Variants in ITGAV observed in about 807,000 individuals in gnomAD.
ITGAV encodes the protein integrin alpha-V.
In ITGAV, 76 loss-of-function variants were observed where a neutral mutation model predicts 143.8. That is an observed-to-expected ratio of 0.53 (90% confidence interval 0.44 to 0.64). ITGAV has a LOEUF of 0.64. Among genes scored for constraint, ITGAV ranks in the 30% least tolerant of loss-of-function variants. The pLI, the probability that ITGAV is intolerant of heterozygous loss-of-function variation, is 0.00. For synonymous variants in ITGAV, 453 were observed against 446.7 expected (o/e 1.01, Z -0.18); for missense variants, 1,193 against 1,274.7 (o/e 0.94, Z 0.98).
chr2:186,602,869 T>G (rs1283938134), intron 2 of ITGAV, among the ~76,000 whole-genome samples: 2 of 90,612 alleles, frequency 2.2e-5, no homozygotes, highest in Non-Finnish European at 4.4e-5. Context: ...AGAGGGAGAC[T>G]CCATCTTAAA....
At chr2:186,639,013 A>T (rs1424369568) in intron 10 of ITGAV, among the ~76,000 whole-genome samples, 1 of 151,520 alleles carries the variant, frequency 6.6e-6, no homozygotes, top group African/African-American at 2.4e-5. Flanking sequence ...TTTTTTAAGG[A>T]TGATCAATGC....
At chr2:186,659,315 T>A (rs564842613) in intron 18 of ITGAV, 140 bp downstream of exon 18, 2 of 629,252 alleles carry the variant, frequency 3.2e-6, no homozygotes, top group South Asian at 1.4e-4. Flanking sequence ...CTGAATTTTC[T>A]ATTTTTTTTT....
intron 13 of ITGAV, among the ~76,000 whole-genome samples, chr2:186,648,962 A>T (rs1437393451): frequency 6.8e-6 from 1 of 147,214 alleles, no homozygotes; most frequent in African/African-American, 2.5e-5. Context: ...GTGTATATAT[A>T]TATACATTTG....
chr2:186,638,615 T>C (rs2105707483), intron 10 of ITGAV, 150 bp downstream of exon 10: 1 of 640,362 alleles, frequency 1.6e-6, no homozygotes, highest in East Asian at 2.7e-5. Flanking sequence ...CAAACTATTA[T>C]CATTTCTCTT....
At chr2:186,673,120 T>C (rs12151442) in intron 26 of ITGAV, among the ~76,000 whole-genome samples, 38,377 of 152,142 alleles carry the variant, frequency 0.25, 5,191 homozygotes, top group South Asian at 0.38. Flanking sequence ...GGGGTCCAGA[T>C]TGATTCTTTT....
intron 1 of ITGAV, among the ~76,000 whole-genome samples, chr2:186,591,000 C>G (rs1037046998): frequency 7.2e-5 from 11 of 152,344 alleles, no homozygotes; most frequent in South Asian, 2.1e-4. Flanking sequence ...CTTTCCGCCT[C>G]TGTCTGATTC....
chr2:186,659,727 T>C (rs936794875), intron 18 of ITGAV, among the ~76,000 whole-genome samples: 15 of 151,478 alleles, frequency 9.9e-5, no homozygotes, highest in African/African-American at 3.4e-4. Context: ...TCATAACTCT[T>C]TGCCCTAAAT....
chr2:186,600,698 C>A (rs1686877399), intron 1 of ITGAV, among the ~76,000 whole-genome samples: 1 of 152,216 alleles, frequency 6.6e-6, no homozygotes, highest in Admixed American at 6.5e-5. Flanking sequence ...GTGGCTCACG[C>A]CTGTAATCCC....
At chr2:186,600,505 T>A in intron 1 of ITGAV, 2 of 1,288,808 alleles carry the variant, frequency 1.6e-6, no homozygotes, top group Non-Finnish European at 2.1e-6. Context: ...TCCCCTCTCA[T>A]CCTTAGAGAT....
In ITGAV at chr2:186,678,536, T is replaced by C; in HGVS notation, c.*1244T>C. 3.5e-6 allele frequency: 1 copy of C among 286,052 alleles called. No homozygotes were observed. The highest frequency in any genetic ancestry group is 4.8e-5 in the Admixed American group (1 of 21,044). 17.7% of individuals were successfully genotyped at this position (286,052 alleles called of 1,614,324 possible). A position where few individuals can be genotyped will look rare whatever the true frequency, so the allele number is the denominator to read the frequency against. ...TTCTAAAAGGTATTTTTATAAGCAG[T>C]TCAAGTTACTGAAAACCTTTTAAAC... On this transcript the variant is annotated 3_prime_UTR_variant, in exon 30 of 30. Coordinates refer to ENST00000261023, the MANE Select transcript of ITGAV (RefSeq NM_002210.5).
At chr2:186,602,714 T>C (rs1405030118) in intron 2 of ITGAV, among the ~76,000 whole-genome samples, 1 of 151,962 alleles carries the variant, frequency 6.6e-6, no homozygotes, top group African/African-American at 2.4e-5. Flanking sequence ...CCATCTCTAC[T>C]AAAAATACAA....
chr2:186,639,834 T>G (rs1688052986), intron 10 of ITGAV, among the ~76,000 whole-genome samples: 1 of 152,204 alleles, frequency 6.6e-6, no homozygotes, highest in South Asian at 2.1e-4. Flanking sequence ...ATCCTTTCTT[T>G]ACACTTCCAA....
Position 186,646,883 on chromosome 2 carries a change from T to C in ITGAV, c.1351+6T>C. On this transcript the variant is annotated splice_donor_region_variant and intron_variant, in intron 13 of 29. Transcript: ENST00000261023. ...AGACAAAAATGGATATCCAGGTGCT[T>C]TCTTATCAACACATAGAGCCCTTAG... 4.5e-6 allele frequency: 7 copies of C among 1,568,544 alleles called. No individual in the cohort carries two copies. The highest frequency in any genetic ancestry group is 6.1e-6 in the Non-Finnish European group (7 of 1,150,528).
At position 186,636,204 on chromosome 2, in the gene ITGAV, T is replaced by C. The variant is rs1687943155; in HGVS notation, c.754T>C (p.Leu252=). The change falls in exon 7 of 30, where the codon TTG becomes CTG. Residue 252 remains leucine, a synonymous_variant. Transcript: ENST00000261023. ...ACAAGCTATTTTTGATGACAGCTAT[T>C]TGGGTAGGTAAAACCAAAATTTACT... The part of the protein sequence containing the change: ...TAQAIFDDSY[L]GYSVAVGDFN... 2 of 1,610,106 alleles carry C rather than the reference T, an allele frequency of 1.2e-6. No homozygotes were observed. Among genetic ancestry groups the C allele is most frequent in the Non-Finnish European group, 1.7e-6 (2 of 1,178,706 alleles).
In ITGAV at chr2:186,680,115, G is replaced by A. The variant is rs1002640462; in HGVS notation, c.*2823G>A. The stretch of plus-strand genomic sequence containing the variant: ...TTCCTAAGTTGCAAAATGTAATGAT[G>A]AGCTTGGTGGAGAAGAATGAGTCGT... On this transcript the variant is annotated 3_prime_UTR_variant, in exon 30 of 30. Coordinates refer to ENST00000261023, the MANE Select transcript of ITGAV (RefSeq NM_002210.5). 1.3e-5 allele frequency: 2 copies of A among 152,190 alleles called. No individual in the cohort carries two copies. Among genetic ancestry groups the A allele is most frequent in the African/African-American group, 2.4e-5 (1 of 41,568 alleles). 9.4% of individuals were successfully genotyped at this position (152,190 alleles called of 1,614,324 possible).
In ITGAV at chr2:186,656,357, A is replaced by G; in HGVS notation, c.1675A>G (p.Arg559Gly). Residue 559 changes from arginine (R) to glycine (G), a missense_variant, in exon 17 of 30, where the codon AGG becomes GGG. Coordinates refer to ENST00000261023, the MANE Select transcript of ITGAV (RefSeq NM_002210.5). Reference sequence around the variant, plus strand: ...TCACTCCAAGAACATGACTATTTCAAGGGGGGGACTGATGCAGTGTGAGGA... The same window carrying G: ...TCACTCCAAGAACATGACTATTTCAGGGGGGGGACTGATGCAGTGTGAGGA... ...PSHSKNMTIS[R>G]GGLMQCEELI... 6.4e-7 allele frequency: 1 copy of G among 1,555,264 alleles called. No homozygotes were observed. The highest frequency in any genetic ancestry group is 8.6e-7 in the Non-Finnish European group (1 of 1,157,484).
intron 24 of ITGAV, 181 bp from the exon 25 acceptor site, chr2:186,668,581 G>T: frequency 1.7e-6 from 1 of 572,090 alleles, no homozygotes. Context: ...CTGTGTTAGA[G>T]ACAAATGTTG....
chr2:186,676,315 T>A (rs1239896948), intron 28 of ITGAV: 3 of 167,682 alleles, frequency 1.8e-5, no homozygotes, highest in African/African-American at 4.8e-5. Context: ...TAAAAATCAT[T>A]TCAAGCTGGG....
chr2:186,636,298 G>T, intron 7 of ITGAV, 91 bp downstream of exon 7: 1 of 1,016,390 alleles, frequency 9.8e-7, no homozygotes, highest in South Asian at 1.8e-5. Context: ...AATATTTTAT[G>T]TGAAATAGAT....
Sources: allele counts gnomAD v4.1 joint callset (sites outside exome capture counted in the v4.1 genomes callset), GRCh38; gene constraint gnomAD v4.1.1; transcripts MANE v1.5; gene names NCBI Gene and HGNC (gene_info 2026-07-23, HGNC 2026-07-21).